The following GSG1L variants were observed in gnomAD, a reference collection of about 807,000 sequenced individuals.
GSG1L encodes the protein germ cell-specific gene 1-like protein.
A neutral mutation model predicts 42.1 loss-of-function variants in GSG1L; 24 were observed. The observed-to-expected ratio is 0.57, with a 90% CI of 0.41 to 0.80. The LOEUF is 0.80. GSG1L is among the 30% of genes least tolerant of loss of function. The pLI is 0.00. For synonymous variants in GSG1L, 215 were observed against 203.5 expected, an observed-to-expected ratio of 1.06 and a Z score of -0.48; for missense variants, 445 against 472.2, an observed-to-expected ratio of 0.94 and a Z score of 0.53.
intron 3 of GSG1L, among the ~76,000 whole-genome samples, chr16:27,853,496 G>A (rs2083539509): frequency 6.6e-6 from 1 of 152,134 alleles, no homozygotes; most frequent in Admixed American, 6.5e-5. Context: ...AGGGGGGTGA[G>A]CCGATTGGCA....
intron 2 of GSG1L, among the ~76,000 whole-genome samples, chr16:27,885,299 G>A (rs928169267): frequency 2.0e-5 from 3 of 151,890 alleles, no homozygotes; most frequent in East Asian, 1.9e-4. Flanking sequence ...ATGGGAGTGC[G>A]CCACCAAACC....
At chr16:28,015,444 G>A (rs2085770015) in intron 1 of GSG1L, among the ~76,000 whole-genome samples, 1 of 152,236 alleles carries the variant, frequency 6.6e-6, no homozygotes, top group Admixed American at 6.5e-5. Context: ...ATTCAAGGCT[G>A]CAGCCAGCAG....
intron 1 of GSG1L, among the ~76,000 whole-genome samples, chr16:27,987,410 G>T (rs1182706568): frequency 2.6e-5 from 4 of 152,134 alleles, no homozygotes; most frequent in African/African-American, 9.7e-5. Context: ...GGAGCCATTC[G>T]ATTCTAGACT....
chr16:27,980,037 C>T (rs765055548), intron 1 of GSG1L, among the ~76,000 whole-genome samples: 17 of 152,112 alleles, frequency 1.1e-4, no homozygotes, highest in Non-Finnish European at 2.4e-4. Flanking sequence ...CAAGGAGAGC[C>T]CGGGCGTCTT....
At chr16:27,889,608 C>T (rs898744299) in intron 2 of GSG1L, among the ~76,000 whole-genome samples, 14 of 152,106 alleles carry the variant, frequency 9.2e-5, no homozygotes, top group East Asian at 3.9e-4. Flanking sequence ...CTCTCTTAGC[C>T]GCCATCAATG....
At chr16:27,946,672 GAAAGAAAGAAAGAAAGAAAGAATT>G (rs2084875759) in intron 2 of GSG1L, among the ~76,000 whole-genome samples, 2 of 144,552 alleles carry the variant, frequency 1.4e-5, no homozygotes, top group African/African-American at 2.5e-5. Context: ...AAGAAAGAAA[GAAAGAAAGAAAGAAAGAAAGAATT>G]AAATGAAGCA....
At chr16:28,046,492 G>A (rs886824881) in intron 1 of GSG1L, among the ~76,000 whole-genome samples, 6 of 151,764 alleles carry the variant, frequency 4.0e-5, no homozygotes, top group African/African-American at 9.7e-5. Context: ...TAGCTCGGAC[G>A]ACAGGCGCCC....
chr16:27,926,383 G>A (rs756579466), intron 2 of GSG1L, among the ~76,000 whole-genome samples: 7 of 152,164 alleles, frequency 4.6e-5, no homozygotes, highest in African/African-American at 7.2e-5. Flanking sequence ...CTGAAAGATG[G>A]TTGATTGCAG....
intron 1 of GSG1L, among the ~76,000 whole-genome samples, chr16:27,964,447 T>C (rs568852429): frequency 1.3e-5 from 2 of 152,244 alleles, no homozygotes; most frequent in Non-Finnish European, 2.9e-5. Flanking sequence ...TTAATTGTTG[T>C]ATTTATCAAT....
At chr16:27,806,187 A>G (rs550955112) in intron 6 of GSG1L, among the ~76,000 whole-genome samples, 3 of 152,208 alleles carry the variant, frequency 2.0e-5, no homozygotes, top group Non-Finnish European at 2.9e-5. Flanking sequence ...CACAGACATG[A>G]AACCATGATG....
chr16:27,986,505 CAAAAA>C (rs59177321), intron 1 of GSG1L, among the ~76,000 whole-genome samples: 3 of 137,930 alleles, frequency 2.2e-5, no homozygotes, highest in Non-Finnish European at 1.6e-5. Flanking sequence ...GACTCCGCCT[CAAAAA>C]AAAAAAAAAA....
rs1230222742 is a variant in GSG1L, at chr16:27,972,616, T to C, written c.350-9413A>G. ...GCTTGACAATTAGATCACAGAGCTG[T>C]GGCATGTTACTGCCACCTGATGGCA... On this transcript the variant is annotated intron_variant, in intron 1 of 6. Coordinates refer to ENST00000447459, the MANE Select transcript of GSG1L (RefSeq NM_001109763.2). 2.6e-5 allele frequency among the ~76,000 whole-genome samples: 4 copies of C among 152,208 alleles called. No homozygotes were observed. In the East Asian group the frequency reaches 7.7e-4, roughly 29 times the overall value.
chr16:27,933,295 T>C (rs1487259757), intron 2 of GSG1L, among the ~76,000 whole-genome samples: 1 of 151,922 alleles, frequency 6.6e-6, no homozygotes, highest in Non-Finnish European at 1.5e-5. Flanking sequence ...CAGAAACAAG[T>C]CCATGAGGGC....
chr16:27,940,620 G>A (rs1181401360), intron 2 of GSG1L, among the ~76,000 whole-genome samples: 2 of 100,274 alleles, frequency 2.0e-5, no homozygotes, highest in African/African-American at 3.6e-5. Flanking sequence ...ACCAAACACC[G>A]CATATTCTCA....
intron 2 of GSG1L, among the ~76,000 whole-genome samples, chr16:27,914,530 A>AT (rs34120581): frequency 0.043 from 6,049 of 139,514 alleles, 191 homozygotes; most frequent in Admixed American, 0.094. Context: ...TTTCTTTTCT[A>AT]TTTTTTTTTT....
At chr16:28,019,003 G>C (rs978213928) in intron 1 of GSG1L, among the ~76,000 whole-genome samples, 2 of 152,106 alleles carry the variant, frequency 1.3e-5, no homozygotes, top group Admixed American at 6.6e-5. Flanking sequence ...TGTGAAATGG[G>C]CCCTTCATGC....
chr16:27,888,401 C>CCTCTTTCTTTCT (rs1555506318), intron 2 of GSG1L, among the ~76,000 whole-genome samples: 1 of 122,562 alleles, frequency 8.2e-6, no homozygotes, highest in African/African-American at 3.6e-5. Context: ...TTCTTTTCTC[C>CCTCTTTCTTTCT]TTCTTTCTTT....
chr16:27,964,805 T>C (rs975245899), intron 1 of GSG1L, among the ~76,000 whole-genome samples: 4 of 152,118 alleles, frequency 2.6e-5, no homozygotes, highest in African/African-American at 9.7e-5. Flanking sequence ...CGGGGAGCAG[T>C]GGGGATGCTT....
chr16:27,788,649 A>C lies in GSG1L; in HGVS notation c.*2721T>G, dbSNP rs1268495043. 6.6e-6 allele frequency: 1 copy of C among 152,208 alleles called. No individual in the cohort carries two copies. The highest frequency in any genetic ancestry group is 2.4e-5 in the African/African-American group (1 of 41,442). The allele number at this position is 152,208 out of a possible 1,614,324, so 9.4% of individuals were successfully genotyped here. On this transcript the variant is annotated 3_prime_UTR_variant, in exon 7 of 7. Transcript: ENST00000447459. ...ACAATCTTCATGTCTTGGCTTAGAC[A>C]TCATTTTCTCAAAGGAGCCTCCCTA... is the stretch of plus-strand genomic sequence containing the variant.
Sources: gnomAD v4.1 joint callset for allele counts (sites outside exome capture counted in the v4.1 genomes callset) on GRCh38, gnomAD v4.1.1 for gene constraint, MANE v1.5 for transcripts, NCBI Gene and HGNC (gene_info 2026-07-23, HGNC 2026-07-21) for gene names.